Variants in AGAP1 observed in about 807,000 individuals in gnomAD.
The protein encoded by AGAP1 is arf-GAP with GTPase, ANK repeat and PH domain-containing protein 1.
In AGAP1, 29 loss-of-function variants were observed where a neutral mutation model predicts 105.3. The ratio of observed to expected loss-of-function variants is 0.28; its 90% CI spans 0.21 to 0.38. The LOEUF is 0.38. AGAP1 is among the 10% of genes least tolerant of loss of function. The pLI is 1.00. For synonymous variants in AGAP1, 509 were observed against 485.9 expected, an observed-to-expected ratio of 1.05 and a Z score of -0.63; for missense variants, 998 against 1,165.1, an observed-to-expected ratio of 0.86 and a Z score of 2.09.
intron 8 of AGAP1, among the ~76,000 whole-genome samples, chr2:235,802,400 G>A (rs534171129): frequency 6.6e-6 from 1 of 152,326 alleles, no homozygotes; most frequent in Admixed American, 6.5e-5. Flanking sequence ...GGATCTAAGG[G>A]TGACCAGTGT....
chr2:235,672,251 ATGAC>A lies in AGAP1; in HGVS notation c.164-36925_164-36922del, dbSNP rs556861145. ...TGTTAAAACCAACTCATGCAAATAA[ATGAC>A]TGTCCTTATGGAAATATTTTTAAGG... On this transcript the variant is annotated intron_variant, in intron 1 of 17. Coordinates refer to ENST00000304032, the MANE Select transcript of AGAP1 (RefSeq NM_001037131.3). Among the ~76,000 whole-genome samples, 588 of 152,312 alleles carry A rather than the reference ATGAC, an allele frequency of 3.9e-3. 3 individuals carry two copies. Among genetic ancestry groups the A allele is most frequent in the African/African-American group, 0.013 (546 of 41,564 alleles).
rs996317401 is a variant in AGAP1 at position 235,535,643 on chromosome 2, C to T, written c.163+40794C>T. On this transcript the variant is annotated intron_variant, in intron 1 of 17. Transcript: ENST00000304032. The surrounding 1 kb of genome is among the most constrained non-coding windows in gnomAD (Gnocchi z 5.1). ...GCGGGGCTGTGCCAGGCACCCGCGT[C>T]GCGCTCCAGCTCCAGCCCTTTAATG... Among the ~76,000 whole-genome samples, 11 of 152,216 alleles carry T rather than the reference C, an allele frequency of 7.2e-5. No homozygotes were observed. The highest frequency in any genetic ancestry group is 2.1e-4 in the South Asian group (1 of 4,814).
chr2:235,693,682 C>T (rs1364756200), intron 1 of AGAP1, among the ~76,000 whole-genome samples: 6 of 152,078 alleles, frequency 3.9e-5, no homozygotes, highest in African/African-American at 9.7e-5. Flanking sequence ...AGTGAGGCCT[C>T]GTCTCCAAAA....
intron 10 of AGAP1, among the ~76,000 whole-genome samples, chr2:235,903,357 C>G (rs1338961739): frequency 6.6e-6 from 1 of 152,074 alleles, no homozygotes; most frequent in Non-Finnish European, 1.5e-5. Context: ...TAAGCACTGT[C>G]AGATTTTCAA....
chr2:236,022,741 C>T (rs572707922), intron 13 of AGAP1, among the ~76,000 whole-genome samples: 6 of 152,126 alleles, frequency 3.9e-5, no homozygotes, highest in East Asian at 1.9e-4. Context: ...TGCCATGTTG[C>T]GCAGGCTGCT....
intron 1 of AGAP1, among the ~76,000 whole-genome samples, chr2:235,520,420 C>T (rs1250017497): frequency 6.6e-6 from 1 of 152,154 alleles, no homozygotes; most frequent in African/African-American, 2.4e-5. Context: ...GTTTCGAATG[C>T]CTCCCCTTGG....
chr2:235,930,381 G>A lies in AGAP1; in HGVS notation c.1325-384G>A, dbSNP rs2052661942. Among the ~76,000 whole-genome samples the A allele has an allele frequency of 6.6e-6, 1 of 152,172 alleles. No homozygotes were observed. Among genetic ancestry groups the A allele is most frequent in the South Asian group, 2.1e-4 (1 of 4,822 alleles). ...TCTGTTCCATTGGTAGGGTGACATGGCCGGGCTCCTGGAGCCCCCATCTTG... is the reference window on the plus strand; with the variant it reads ...TCTGTTCCATTGGTAGGGTGACATGACCGGGCTCCTGGAGCCCCCATCTTG... On this transcript the variant is annotated intron_variant, in intron 11 of 17. Transcript: ENST00000304032. The surrounding 1 kb of genome is among the most constrained non-coding windows in gnomAD (Gnocchi z 7.9).
Position 235,705,785 on chromosome 2 carries a change from G to A in AGAP1, c.164-3394G>A, listed in dbSNP as rs1303715771. ...ACAAACACAAATATGTTCCATTCAA[G>A]TGAGGATGTATTTGCAAGTAAAAAG... On this transcript the variant is annotated intron_variant, in intron 1 of 17. Coordinates refer to ENST00000304032, the MANE Select transcript of AGAP1 (RefSeq NM_001037131.3). The surrounding 1 kb of genome is among the most constrained non-coding windows in gnomAD (Gnocchi z 4.9). Among the ~76,000 whole-genome samples the A allele has an allele frequency of 1.3e-5, 2 of 152,196 alleles. No homozygotes were observed. Among genetic ancestry groups the A allele is most frequent in the African/African-American group, 4.8e-5 (2 of 41,454 alleles).
chr2:235,712,276 C>T lies in AGAP1; in HGVS notation c.222+3039C>T, dbSNP rs1024611867. Among the ~76,000 whole-genome samples, 1 of 152,224 alleles carries T rather than the reference C, an allele frequency of 6.6e-6. No homozygotes were observed. The highest frequency in any genetic ancestry group is 2.4e-5 in the African/African-American group (1 of 41,480). On this transcript the variant is annotated intron_variant, in intron 2 of 17. Transcript: ENST00000304032. The surrounding 1 kb of genome is among the most constrained non-coding windows in gnomAD (Gnocchi z 6.0). ...CTCGTCATCCGCCTGCCTTGGCCTC[C>T]CAAAGTGCTGGGATGACAGGCCTGA...
At chr2:235,916,380 C>T (rs2051886114) in intron 11 of AGAP1, among the ~76,000 whole-genome samples, 1 of 152,172 alleles carries the variant, frequency 6.6e-6, no homozygotes, top group Admixed American at 6.5e-5. Flanking sequence ...GGTATAGGTC[C>T]AGAGAAGGAG....
intron 10 of AGAP1, among the ~76,000 whole-genome samples, chr2:235,898,773 T>C (rs551952119): frequency 1.3e-3 from 199 of 152,260 alleles, no homozygotes; most frequent in African/African-American, 4.4e-3. Flanking sequence ...ATGGGGACCC[T>C]GAGTGACTGA....
Position 235,956,391 on chromosome 2 carries a change from C to T in AGAP1, c.1484-12071C>T, listed in dbSNP as rs868790669. On this transcript the variant is annotated intron_variant, in intron 12 of 17. Transcript: ENST00000304032. ...TATGCATTGCATTCCCAAGCATGCTCCCTTCTGTCACACTCCCCACGGCTT... is the reference window on the plus strand; with the variant it reads ...TATGCATTGCATTCCCAAGCATGCTTCCTTCTGTCACACTCCCCACGGCTT... Among the ~76,000 whole-genome samples, 7 of 152,304 alleles carry T rather than the reference C, an allele frequency of 4.6e-5. No individual in the cohort carries two copies. In the Middle Eastern group the frequency reaches 0.017, roughly 370 times the overall value.
intron 6 of AGAP1, among the ~76,000 whole-genome samples, chr2:235,759,896 T>A (rs544576997): frequency 1.3e-5 from 2 of 152,298 alleles, no homozygotes; most frequent in South Asian, 2.1e-4. Flanking sequence ...TAGTAAACCA[T>A]ACATTCAGAG....
chr2:235,910,513 G>T (rs1162075873), intron 11 of AGAP1, among the ~76,000 whole-genome samples: 2 of 152,144 alleles, frequency 1.3e-5, no homozygotes, highest in African/African-American at 2.4e-5. Context: ...CTAACTATGG[G>T]GTGGGAAGAG....
rs1355367893 is a variant in AGAP1, at chr2:235,982,453, G to A, written c.1645+13830G>A. On this transcript the variant is annotated intron_variant, in intron 13 of 17. Transcript: ENST00000304032. The surrounding 1 kb of genome is among the most constrained non-coding windows in gnomAD (Gnocchi z 4.9). ...TAGGAGGTCAGAAGGAAGGGGGGACGATTCATGCAATGAGGCACTGCTGTT... is the reference window on the plus strand; with the variant it reads ...TAGGAGGTCAGAAGGAAGGGGGGACAATTCATGCAATGAGGCACTGCTGTT... 6.6e-6 allele frequency among the ~76,000 whole-genome samples: 1 copy of A among 152,190 alleles called. No homozygotes were observed. Among genetic ancestry groups the A allele is most frequent in the Non-Finnish European group, 1.5e-5 (1 of 68,028 alleles).
chr2:235,514,559 A>G (rs138497283), intron 1 of AGAP1, among the ~76,000 whole-genome samples: 119 of 152,282 alleles, frequency 7.8e-4, no homozygotes, highest in Non-Finnish European at 1.4e-3. Flanking sequence ...GGGGGTTTGG[A>G]TCACCTGAGT....
intron 13 of AGAP1, among the ~76,000 whole-genome samples, chr2:236,022,358 ATGT>A (rs768254700): frequency 6.6e-6 from 1 of 152,218 alleles, no homozygotes; most frequent in Non-Finnish European, 1.5e-5. Context: ...CTAGACAAAG[ATGT>A]TGACCAAATT....
At chr2:235,907,162 T>C (rs760634897) in intron 10 of AGAP1, among the ~76,000 whole-genome samples, 24 of 152,238 alleles carry the variant, frequency 1.6e-4, no homozygotes, top group Admixed American at 7.2e-4. Context: ...AGACAGAGGC[T>C]TCCGACCCTT....
In AGAP1 at chr2:235,888,534, T is replaced by C. The variant is rs2050374621; in HGVS notation, c.1155+5085T>C. Reference sequence around the variant, plus strand: ...GCCTGGGCAACATGGAGAGACCCCATCTCTACAACAAATAAAAAAGTGAGC... The same window carrying C: ...GCCTGGGCAACATGGAGAGACCCCACCTCTACAACAAATAAAAAAGTGAGC... On this transcript the variant is annotated intron_variant, in intron 10 of 17. Transcript: ENST00000304032. The surrounding 1 kb of genome is among the most constrained non-coding windows in gnomAD (Gnocchi z 4.8). 6.6e-6 allele frequency among the ~76,000 whole-genome samples: 1 copy of C among 151,800 alleles called. No homozygotes were observed. The highest frequency in any genetic ancestry group is 6.6e-5 in the Admixed American group (1 of 15,254).
Sources: gnomAD v4.1 joint callset for allele counts (sites outside exome capture counted in the v4.1 genomes callset) on GRCh38, gnomAD v4.1.1 for gene constraint, Gnocchi (gnomAD v3.1) non-coding constraint, MANE v1.5 for transcripts, NCBI Gene and HGNC (gene_info 2026-07-23, HGNC 2026-07-21) for gene names.